PDE1C: variants seen among roughly 807,000 people sequenced by gnomAD.
PDE1C encodes dual specificity calcium/calmodulin-dependent 3',5'-cyclic nucleotide phosphodiesterase 1C.
Under a neutral mutation model 93.1 loss-of-function variants are expected in PDE1C, and 62 were observed. The observed-to-expected ratio is 0.67, with a 90% CI of 0.54 to 0.82. The LOEUF (loss-of-function observed/expected upper bound fraction) is 0.82. Ranked by LOEUF, PDE1C falls within the 40% of genes least tolerant of loss-of-function variation. The probability of loss-of-function intolerance (pLI) is 0.00; values close to 1 mark genes in which losing one functional copy is unlikely to be tolerated. For missense variants in PDE1C, 742 were observed against 884.6 expected (o/e 0.84, Z 2.04); for synonymous variants, 325 against 310.1 (o/e 1.05, Z -0.50).
At chr7:31,732,990 T>C in the PDE1C span, among the ~76,000 whole-genome samples, 1 of 152,248 alleles carries the variant, frequency 6.6e-6, no homozygotes, top group African/African-American at 2.4e-5. Flanking sequence ...TTTCCATTCC[T>C]AACGGAAAGC....
chr7:32,266,029 C>T (rs1810548767), intron 1 of PDE1C, among the ~76,000 whole-genome samples: 1 of 119,848 alleles, frequency 8.3e-6, no homozygotes, highest in Non-Finnish European at 1.8e-5. Flanking sequence ...AATCCCAGCA[C>T]TTTGAGAGGC....
At chr7:31,697,527 A>G in the PDE1C span, among the ~76,000 whole-genome samples, 2 of 152,188 alleles carry the variant, frequency 1.3e-5, no homozygotes, top group African/African-American at 2.4e-5. Flanking sequence ...AGAGATGCAG[A>G]AATAAGGATA....
chr7:32,063,350 ACACTTTTCTTC>A (rs1274353037), intron 1 of PDE1C, among the ~76,000 whole-genome samples: 2 of 152,224 alleles, frequency 1.3e-5, no homozygotes, highest in Non-Finnish European at 2.9e-5. Flanking sequence ...GGTCCTATAA[ACACTTTTCTTC>A]CATGTGGGGA....
intron 2 of PDE1C, among the ~76,000 whole-genome samples, chr7:32,027,607 T>TAAAAAAAAAAAAA (rs551660766): frequency 7.6e-5 from 6 of 78,500 alleles, no homozygotes; most frequent in African/African-American, 1.2e-4. Flanking sequence ...TCAAAAATGG[T>TAAAAAAAAAAAAA]AAAAAAAAAA....
chr7:31,897,317 A>C (rs1030536455), intron 2 of PDE1C, among the ~76,000 whole-genome samples: 1 of 152,236 alleles, frequency 6.6e-6, no homozygotes, highest in Non-Finnish European at 1.5e-5. Context: ...TCACGCAAGG[A>C]AAGTGTCCTA....
At chr7:31,800,202 C>T (rs900404269) in intron 16 of PDE1C, among the ~76,000 whole-genome samples, 2 of 151,426 alleles carry the variant, frequency 1.3e-5, no homozygotes, top group Non-Finnish European at 3.0e-5. Context: ...AAATATCCCC[C>T]CAGAATGTGA....
At chr7:31,744,620 C>A in the PDE1C span, among the ~76,000 whole-genome samples, 55 of 152,294 alleles carry the variant, frequency 3.6e-4, no homozygotes, top group African/African-American at 1.3e-3. Context: ...AATCTCATTT[C>A]TAGAAATGAT....
intron 2 of PDE1C, among the ~76,000 whole-genome samples, chr7:31,889,375 A>T (rs762866494): frequency 6.6e-6 from 1 of 152,202 alleles, no homozygotes; most frequent in Admixed American, 6.5e-5. Context: ...TAAGTGGACA[A>T]GAAAACATGC....
intron 1 of PDE1C, among the ~76,000 whole-genome samples, chr7:32,337,982 A>C (rs915875673): frequency 7.9e-5 from 12 of 152,206 alleles, no homozygotes; most frequent in Admixed American, 3.3e-4. Context: ...ATTAACTCAA[A>C]GACCTAAACA....
intron 3 of PDE1C, among the ~76,000 whole-genome samples, chr7:32,145,870 G>A (rs1317345039): frequency 6.6e-6 from 1 of 152,114 alleles, no homozygotes; most frequent in East Asian, 1.9e-4. Flanking sequence ...CTGACTCCGA[G>A]AACAGTGATT....
intron 2 of PDE1C, among the ~76,000 whole-genome samples, chr7:31,947,954 A>T (rs1806835296): frequency 6.6e-6 from 1 of 152,140 alleles, no homozygotes; most frequent in Admixed American, 6.5e-5. Context: ...ATGGTGGTAA[A>T]ATCTGACAGA....
At chr7:32,159,456 G>A (rs1562533803) in intron 3 of PDE1C, among the ~76,000 whole-genome samples, 2 of 152,088 alleles carry the variant, frequency 1.3e-5, no homozygotes, top group East Asian at 3.9e-4. Context: ...TTTTTATTTA[G>A]GGTACCTTAA....
chr7:31,654,026 CAGAA>C, the PDE1C span, among the ~76,000 whole-genome samples: 1 of 132,762 alleles, frequency 7.5e-6, no homozygotes, highest in Non-Finnish European at 1.6e-5. Context: ...ACTTTCTACT[CAGAA>C]AGAGTTGGAT....
rs1185952791 is a variant in PDE1C at position 32,239,814 on chromosome 7, C to T, written c.86-30275G>A. On this transcript the variant is annotated intron_variant, in intron 1 of 18. Transcript: ENST00000396193. Reference sequence around the variant, plus strand: ...ATTTAGGTTCCACTCCTTTTAGGCACATGGTAGGATTGTTCTTCCTCACAC... The same window carrying T: ...ATTTAGGTTCCACTCCTTTTAGGCATATGGTAGGATTGTTCTTCCTCACAC... 1.3e-5 allele frequency among the ~76,000 whole-genome samples: 2 copies of T among 152,202 alleles called. 1 individual carries two copies. Among genetic ancestry groups the T allele is most frequent in the African/African-American group, 4.8e-5 (2 of 41,456 alleles).
At chr7:31,619,009 G>A in the PDE1C span, among the ~76,000 whole-genome samples, 1 of 152,176 alleles carries the variant, frequency 6.6e-6, no homozygotes, top group Non-Finnish European at 1.5e-5. Flanking sequence ...CTTACATTGT[G>A]TCTGAGAGAG....
At chr7:31,813,701 T>C (rs1369407139) in intron 15 of PDE1C, among the ~76,000 whole-genome samples, 2 of 152,086 alleles carry the variant, frequency 1.3e-5, no homozygotes, top group Non-Finnish European at 2.9e-5. Context: ...AGATGGTGTT[T>C]GGTTATATAA....
chr7:31,942,525 T>C (rs1275456535), intron 2 of PDE1C, among the ~76,000 whole-genome samples: 1 of 152,112 alleles, frequency 6.6e-6, no homozygotes, highest in Non-Finnish European at 1.5e-5. Flanking sequence ...CCAAGGAGTA[T>C]TAAAATGGTT....
At chr7:31,822,356 C>T (rs1201915033) in intron 14 of PDE1C, among the ~76,000 whole-genome samples, 1 of 152,078 alleles carries the variant, frequency 6.6e-6, no homozygotes, top group African/African-American at 2.4e-5. Flanking sequence ...TACCTGTGCA[C>T]AAGGGCATCT....
the PDE1C span, among the ~76,000 whole-genome samples, chr7:31,668,101 T>G: frequency 6.6e-6 from 1 of 152,108 alleles, no homozygotes; most frequent in Non-Finnish European, 1.5e-5. Context: ...TAAGACAAAG[T>G]AAACATGTGA....
Sources: allele counts gnomAD v4.1 joint callset (sites outside exome capture counted in the v4.1 genomes callset), GRCh38; gene constraint gnomAD v4.1.1; transcripts MANE v1.5; gene names NCBI Gene and HGNC (gene_info 2026-07-23, HGNC 2026-07-21).